Variants in NTM observed in about 807,000 individuals in gnomAD.
NTM encodes the protein IgLON family member 2.
Under a neutral mutation model 42.1 loss-of-function variants are expected in NTM, and 13 were observed. That is an observed-to-expected ratio of 0.31 (90% CI 0.20 to 0.49). NTM has a LOEUF of 0.49. NTM is among the 20% of genes least tolerant of loss of function. The probability of loss-of-function intolerance (pLI) is 0.99; values close to 1 mark genes in which losing one functional copy is unlikely to be tolerated. For synonymous variants in NTM, 187 were observed against 179.2 expected, an observed-to-expected ratio of 1.04 and a Z score of -0.35; for missense variants, 373 against 452.8, an observed-to-expected ratio of 0.82 and a Z score of 1.60.
intron 2 of NTM, among the ~76,000 whole-genome samples, chr11:132,017,596 T>A (rs1422971501): frequency 6.6e-6 from 1 of 152,050 alleles, no homozygotes; most frequent in Non-Finnish European, 1.5e-5. Flanking sequence ...ATAGTGTAAG[T>A]CCTACAACTT....
chr11:132,004,395 T>C (rs1593613825), intron 2 of NTM, among the ~76,000 whole-genome samples: 1 of 152,216 alleles, frequency 6.6e-6, no homozygotes, highest in Non-Finnish European at 1.5e-5. Flanking sequence ...TTCTTTATTA[T>C]AGCCTGATCC....
intron 3 of NTM, among the ~76,000 whole-genome samples, chr11:132,148,639 C>T (rs2071124106): frequency 1.3e-5 from 2 of 152,138 alleles, no homozygotes; most frequent in African/African-American, 4.8e-5. Context: ...CATTTTCTTT[C>T]TTCAGCCACC....
chr11:131,785,097 C>G (rs915668375), intron 1 of NTM, among the ~76,000 whole-genome samples: 1 of 152,082 alleles, frequency 6.6e-6, no homozygotes, highest in African/African-American at 2.4e-5. Flanking sequence ...ATACTGGACT[C>G]ATCATTTTAA....
intron 1 of NTM, among the ~76,000 whole-genome samples, chr11:131,823,467 T>C (rs1364707586): frequency 6.6e-6 from 1 of 152,166 alleles, no homozygotes; most frequent in African/African-American, 2.4e-5. Context: ...CCTGGTTGAA[T>C]TAAGGAATTT....
intron 1 of NTM, among the ~76,000 whole-genome samples, chr11:131,584,216 C>G (rs1197020835): frequency 6.6e-6 from 1 of 152,184 alleles, no homozygotes; most frequent in African/African-American, 2.4e-5. Context: ...TACGACGTCC[C>G]CATCGCATAA....
At chr11:132,100,915 T>C (rs1436030735) in intron 2 of NTM, among the ~76,000 whole-genome samples, 1 of 152,192 alleles carries the variant, frequency 6.6e-6, no homozygotes, top group Non-Finnish European at 1.5e-5. Context: ...TTTGACAGCT[T>C]TTTCCATTCA....
At chr11:132,272,166 A>G (rs2093511499) in intron 4 of NTM, among the ~76,000 whole-genome samples, 1 of 152,084 alleles carries the variant, frequency 6.6e-6, no homozygotes, top group Admixed American at 6.6e-5. Flanking sequence ...TACCCTTGCC[A>G]AAAATCATTT....
At chr11:132,109,173 A>G (rs1443380904) in intron 2 of NTM, among the ~76,000 whole-genome samples, 1 of 133,936 alleles carries the variant, frequency 7.5e-6, no homozygotes, top group Non-Finnish European at 1.6e-5. Flanking sequence ...ATACGTGTGC[A>G]TGTGTCTTTA....
intron 4 of NTM, among the ~76,000 whole-genome samples, chr11:132,253,789 C>A (rs1472164592): frequency 6.6e-6 from 1 of 152,184 alleles, no homozygotes; most frequent in African/African-American, 2.4e-5. Context: ...CCAAAATGCT[C>A]AATTTGCAGT....
intron 3 of NTM, among the ~76,000 whole-genome samples, chr11:132,204,765 C>A (rs936079055): frequency 1.3e-5 from 2 of 152,194 alleles, no homozygotes; most frequent in Admixed American, 6.5e-5. Context: ...ACAGATTCAT[C>A]TCTCCGTTCA....
Position 131,598,848 on chromosome 11 carries a change from T to TTC in NTM, c.82+227960_82+227961insTC, listed in dbSNP as rs1565686543. On this transcript the variant is annotated intron_variant, in intron 1 of 8. Transcript: ENST00000683400. Reference sequence around the variant, plus strand: ...TTTCTTCTTTCTTTCTTTCTTTCTTTCTTCCTTCCTTCCTTCCTTCCTTCC... The same window carrying TTC: ...TTTCTTCTTTCTTTCTTTCTTTCTTTTCCTTCCTTCCTTCCTTCCTTCCTTCC... Among the ~76,000 whole-genome samples, 26 of 41,242 alleles carry TTC rather than the reference T, an allele frequency of 6.3e-4. 2 individuals carry two copies. Among genetic ancestry groups the TTC allele is most frequent in the Admixed American group, 2.5e-3 (10 of 3,998 alleles). 27.1% of individuals were successfully genotyped at this position (41,242 alleles called of 152,430 possible). A position where few individuals can be genotyped will look rare whatever the true frequency, so the allele number is the denominator to read the frequency against.
At chr11:131,871,485 T>G (rs187558077) in intron 1 of NTM, among the ~76,000 whole-genome samples, 1 of 152,212 alleles carries the variant, frequency 6.6e-6, no homozygotes, top group Non-Finnish European at 1.5e-5. Flanking sequence ...ACAGCATGAC[T>G]GAATGTTATT....
chr11:132,043,295 A>G (rs553904267), intron 2 of NTM, among the ~76,000 whole-genome samples: 2 of 152,346 alleles, frequency 1.3e-5, no homozygotes, highest in East Asian at 3.9e-4. Flanking sequence ...CCTTCAAGCA[A>G]TATGTGTTCT....
At chr11:132,239,120 G>A (rs1317881436) in intron 4 of NTM, among the ~76,000 whole-genome samples, 1 of 152,208 alleles carries the variant, frequency 6.6e-6, no homozygotes, top group Non-Finnish European at 1.5e-5. Flanking sequence ...AGACACTGCC[G>A]TAAGTCGGTG....
intron 1 of NTM, among the ~76,000 whole-genome samples, chr11:131,476,151 TACTC>T (rs1382076244): frequency 6.6e-6 from 1 of 152,238 alleles, no homozygotes; most frequent in Non-Finnish European, 1.5e-5. Context: ...AATCTATACT[TACTC>T]TTTAGCTTTT....
Position 132,007,465 on chromosome 11 carries a change from G to A in NTM, c.167+95817G>A, listed in dbSNP as rs558968137. On this transcript the variant is annotated intron_variant, in intron 2 of 8. Transcript: ENST00000683400. Reference sequence around the variant, plus strand: ...ACGAAGCACAGCAACTTGTGATTTGGGGCCTGTCAACAGCTATGGACTCAG... The same window carrying A: ...ACGAAGCACAGCAACTTGTGATTTGAGGCCTGTCAACAGCTATGGACTCAG... Among the ~76,000 whole-genome samples, 3 of 152,240 alleles carry A rather than the reference G, an allele frequency of 2.0e-5. No homozygotes were observed. In the South Asian group the frequency reaches 6.2e-4, roughly 32 times the overall value.
At chr11:132,330,261 C>A in intron 8 of NTM, 76 bp downstream of exon 8, 1 of 1,495,526 alleles carries the variant, frequency 6.7e-7, no homozygotes, top group Non-Finnish European at 9.1e-7. Flanking sequence ...CTCCCAGATG[C>A]CTTCTTTCCT....
chr11:131,651,797 C>T (rs544691519), intron 1 of NTM, among the ~76,000 whole-genome samples: 84 of 152,112 alleles, frequency 5.5e-4, no homozygotes, highest in African/African-American at 1.8e-3. Flanking sequence ...GCTGAGATCA[C>T]GCCACTACGC....
chr11:131,789,636 A>AGAAGAAGAAGAAGAAGAAGAAGAG (rs1555127949), intron 1 of NTM, among the ~76,000 whole-genome samples: 1 of 30,900 alleles, frequency 3.2e-5, no homozygotes, highest in African/African-American at 1.2e-4. Flanking sequence ...AAGAAGAAGA[A>AGAAGAAGAAGAAGAAGAAGAAGAG]AAGAAGAAGA....
Sources: gnomAD v4.1 joint callset for allele counts (sites outside exome capture counted in the v4.1 genomes callset) on GRCh38, gnomAD v4.1.1 for gene constraint, MANE v1.5 for transcripts, NCBI Gene and HGNC (gene_info 2026-07-23, HGNC 2026-07-21) for gene names.